Variants in CHST8 observed in about 807,000 individuals in gnomAD.
The protein encoded by CHST8 is carbohydrate sulfotransferase 8.
Under a neutral mutation model 15.0 loss-of-function variants are expected in CHST8, and 10 were observed. The observed-to-expected ratio is 0.67, with a 90% CI of 0.41 to 1.13. The LOEUF (loss-of-function observed/expected upper bound fraction) is 1.13. CHST8 is among the 50% of genes most tolerant of loss of function. The probability of loss-of-function intolerance (pLI) is 0.00; values close to 1 mark genes in which losing one functional copy is unlikely to be tolerated. For synonymous variants in CHST8, 259 were observed against 256.6 expected, an observed-to-expected ratio of 1.01 and a Z score of -0.09; for missense variants, 634 against 608.2, an observed-to-expected ratio of 1.04 and a Z score of -0.45.
intron 3 of CHST8, chr19:33,744,253 T>A (rs1323823169): frequency 6.6e-6 from 1 of 152,236 alleles, no homozygotes; most frequent in African/African-American, 2.4e-5. Flanking sequence ...GGGGACATGC[T>A]GTGATTTAAC....
At chr19:33,670,994 G>C (rs554996673) in intron 2 of CHST8, among the ~76,000 whole-genome samples, 1 of 152,148 alleles carries the variant, frequency 6.6e-6, no homozygotes, top group Admixed American at 6.5e-5. Flanking sequence ...TCTGGACCCC[G>C]GCATCCTGGC....
intron 3 of CHST8, among the ~76,000 whole-genome samples, chr19:33,723,824 C>T (rs78836509): frequency 0.019 from 2,845 of 152,306 alleles, 34 homozygotes; most frequent in Non-Finnish European, 0.027. Context: ...ATCTCTGGGC[C>T]GCCATTGTCA....
At chr19:33,630,352 C>T (rs1018955712) in intron 1 of CHST8, among the ~76,000 whole-genome samples, 6 of 152,222 alleles carry the variant, frequency 3.9e-5, no homozygotes, top group Non-Finnish European at 8.8e-5. Flanking sequence ...AGGCAGAGTG[C>T]ATTAAACTGT....
intron 3 of CHST8, among the ~76,000 whole-genome samples, chr19:33,713,013 C>T (rs530085961): frequency 3.2e-4 from 49 of 152,130 alleles, no homozygotes; most frequent in Non-Finnish European, 5.9e-4. Context: ...GCCCTCGCCC[C>T]ATGGAGAGCA....
intron 1 of CHST8, among the ~76,000 whole-genome samples, chr19:33,647,971 T>G (rs1387110374): frequency 6.6e-6 from 1 of 151,950 alleles, no homozygotes; most frequent in African/African-American, 2.4e-5. Flanking sequence ...GAAATCACAG[T>G]ATATCTGTAT....
intron 3 of CHST8, among the ~76,000 whole-genome samples, chr19:33,760,704 T>C (rs1974705578): frequency 6.6e-6 from 1 of 152,148 alleles, no homozygotes; most frequent in Non-Finnish European, 1.5e-5. Context: ...CATGAAGCTC[T>C]GCCAGAAATG....
chr19:33,769,811 C>A (rs911102524), intron 3 of CHST8, among the ~76,000 whole-genome samples: 2 of 152,106 alleles, frequency 1.3e-5, no homozygotes, highest in Non-Finnish European at 2.9e-5. Context: ...CCCACATGCA[C>A]GCATGTGCAC....
intron 2 of CHST8, among the ~76,000 whole-genome samples, chr19:33,684,266 G>C (rs7258625): frequency 0.16 from 24,955 of 152,252 alleles, 2,390 homozygotes; most frequent in Admixed American, 0.25. Context: ...TGGGGCTGGG[G>C]GGGAGTGGAG....
At chr19:33,723,429 C>T (rs1242244965) in intron 3 of CHST8, among the ~76,000 whole-genome samples, 1 of 152,184 alleles carries the variant, frequency 6.6e-6, no homozygotes, top group African/African-American at 2.4e-5. Flanking sequence ...GCTGTATATG[C>T]CAACATCTGC....
chr19:33,639,086 C>CAAAAAAAA (rs34970478), intron 1 of CHST8, among the ~76,000 whole-genome samples: 1 of 64,674 alleles, frequency 1.5e-5, no homozygotes, highest in Non-Finnish European at 2.9e-5. Flanking sequence ...TGATCCTGAC[C>CAAAAAAAA]AAAAAAAAAA....
rs143038697 is a variant in CHST8, at chr19:33,639,136, C to A, written c.-164+16840C>A. Among the ~76,000 whole-genome samples, 1,435 of 147,226 alleles carry A rather than the reference C, an allele frequency of 9.7e-3. 16 individuals carry two copies. Among genetic ancestry groups the A allele is most frequent in the South Asian group, 0.033 (152 of 4,580 alleles). On this transcript the variant is annotated intron_variant, in intron 1 of 4. Transcript: ENST00000650847. The stretch of plus-strand genomic sequence containing the variant: ...AGGAGGTACAATATGCGATTACGTT[C>A]ATCAGCTATTTTTGGCTGAGGAATA...
At chr19:33,661,117 C>T (rs1407204307) in intron 1 of CHST8, among the ~76,000 whole-genome samples, 1 of 152,056 alleles carries the variant, frequency 6.6e-6, no homozygotes, top group Non-Finnish European at 1.5e-5. Flanking sequence ...GGGTTGAGCC[C>T]AGGAGTTCAG....
At chr19:33,680,124 C>T (rs1972865639) in intron 2 of CHST8, among the ~76,000 whole-genome samples, 1 of 152,336 alleles carries the variant, frequency 6.6e-6, no homozygotes, top group Middle Eastern at 3.4e-3. Context: ...ACCCCAAACT[C>T]CATCTCGGTA....
At chr19:33,650,518 C>CTTTTTTTTTTTTTTTTTTTTTTTTT (rs869057036) in intron 1 of CHST8, among the ~76,000 whole-genome samples, 5 of 36,108 alleles carry the variant, frequency 1.4e-4, no homozygotes, top group Admixed American at 4.0e-4. Context: ...TTTTTCTTTT[C>CTTTTTTTTTTTTTTTTTTTTTTTTT]TTTTTTTTTT....
chr19:33,736,053 C>G (rs1974077272), intron 3 of CHST8, among the ~76,000 whole-genome samples: 2 of 152,228 alleles, frequency 1.3e-5, no homozygotes. Context: ...GTGACAGAGA[C>G]AGACATGGGG....
chr19:33,729,483 A>G (rs1973957379), intron 3 of CHST8, among the ~76,000 whole-genome samples: 1 of 152,230 alleles, frequency 6.6e-6, no homozygotes, highest in South Asian at 2.1e-4. Context: ...GCTGTGGTCT[A>G]TGTGTTAGAC....
chr19:33,648,990 A>G (rs113786492), intron 1 of CHST8, among the ~76,000 whole-genome samples: 3,748 of 132,512 alleles, frequency 0.028, 136 homozygotes, highest in African/African-American at 0.099. Context: ...TGCAAGCTCC[A>G]CCCCCCAGGT....
chr19:33,689,086 G>A, intron 2 of CHST8, 90 bp from the exon 3 acceptor site: 1 of 603,538 alleles, frequency 1.7e-6, no homozygotes, highest in Non-Finnish European at 2.6e-6. Context: ...GTCATCCGGG[G>A]ATTGCACTTG....
intron 3 of CHST8, among the ~76,000 whole-genome samples, chr19:33,766,890 C>A (rs1056302527): frequency 1.1e-4 from 16 of 152,202 alleles, no homozygotes; most frequent in Non-Finnish European, 2.4e-4. Flanking sequence ...CATGGAAACG[C>A]GGCCACACAA....
Sources: allele counts gnomAD v4.1 joint callset (sites outside exome capture counted in the v4.1 genomes callset), GRCh38; gene constraint gnomAD v4.1.1; transcripts MANE v1.5; gene names NCBI Gene and HGNC (gene_info 2026-07-23, HGNC 2026-07-21).